LIPA: variants seen among roughly 807,000 people sequenced by gnomAD.
The protein encoded by LIPA is lipase A, lysosomal acid type.
A neutral mutation model predicts 40.6 loss-of-function variants in LIPA; 26 were observed. That is an observed-to-expected ratio of 0.64 (90% CI 0.47 to 0.89). The LOEUF is 0.89. Ranked by LOEUF, LIPA falls within the 40% of genes least tolerant of loss-of-function variation. The pLI is 0.00. For missense variants in LIPA, 455 were observed against 479.6 expected (o/e 0.95, Z 0.48); for synonymous variants, 188 against 168.4 (o/e 1.12, Z -0.90).
chr10:89,264,711 C>T (rs1029722942), intron 1 of LIPA, among the ~76,000 whole-genome samples: 5 of 152,178 alleles, frequency 3.3e-5, no homozygotes, highest in Non-Finnish European at 5.9e-5. Flanking sequence ...GAAGTGTATG[C>T]TGATTGGTCC....
intron 1 of LIPA, among the ~76,000 whole-genome samples, chr10:89,261,517 T>C (rs538743464): frequency 2.0e-5 from 3 of 151,762 alleles, no homozygotes; most frequent in Admixed American, 1.3e-4. Flanking sequence ...AAAAATAAAT[T>C]AATTAATTAA....
At position 89,317,865 on chromosome 10, in the gene LIPA, T is replaced by G. The variant is rs551703993; in HGVS notation, c.-2+24746A>C. Among the ~76,000 whole-genome samples the G allele has an allele frequency of 2.0e-5, 3 of 152,300 alleles. No individual in the cohort carries two copies. The East Asian group carries it at 5.8e-4, about 29-fold the overall frequency. ...GGAAGCCCATCAGACTAACAGCAGA[T>G]GTCTCGGCAGAAACTCTACAAGCCA... On this transcript the variant is annotated intron_variant, in intron 1 of 5. Coordinates refer to the LIPA transcript ENST00000282673.
chr10:89,272,605 C>T (rs1157383802), intron 1 of LIPA, among the ~76,000 whole-genome samples: 4 of 152,160 alleles, frequency 2.6e-5, no homozygotes, highest in Non-Finnish European at 5.9e-5. Flanking sequence ...CCTCTGGGTA[C>T]ATACCCGGTA....
chr10:89,322,124 C>G (rs113252512), intron 1 of LIPA, among the ~76,000 whole-genome samples: 2 of 152,048 alleles, frequency 1.3e-5, no homozygotes, highest in Non-Finnish European at 2.9e-5. Flanking sequence ...ATGTAAATGA[C>G]GAGTTAATGG....
intron 2 of LIPA, among the ~76,000 whole-genome samples, chr10:89,371,405 C>G (rs1844090776): frequency 6.6e-6 from 1 of 152,196 alleles, no homozygotes; most frequent in Non-Finnish European, 1.5e-5. Flanking sequence ...GGCTGGAGAT[C>G]AATAACATGA....
At chr10:89,248,014 C>T (rs538957314) in intron 1 of LIPA, among the ~76,000 whole-genome samples, 4 of 151,716 alleles carry the variant, frequency 2.6e-5, no homozygotes, top group South Asian at 2.1e-4. Context: ...ACAACAGGCA[C>T]GCACCACCAC....
chr10:89,264,157 C>T (rs1411528258), intron 1 of LIPA, among the ~76,000 whole-genome samples: 1 of 152,162 alleles, frequency 6.6e-6, no homozygotes, highest in Non-Finnish European at 1.5e-5. Flanking sequence ...ACATGGCAAG[C>T]AGGGGGGGTG....
At chr10:89,364,619 G>A (rs1044682400) in intron 2 of LIPA, among the ~76,000 whole-genome samples, 6 of 150,380 alleles carry the variant, frequency 4.0e-5, no homozygotes, top group African/African-American at 1.2e-4. Context: ...CCTTGAAAGC[G>A]AAATAGTTCT....
At chr10:89,277,294 C>A (rs1477747266) in intron 1 of LIPA, among the ~76,000 whole-genome samples, 1 of 152,192 alleles carries the variant, frequency 6.6e-6, no homozygotes, top group Non-Finnish European at 1.5e-5. Context: ...CGATCTTATA[C>A]AAGTTATGTA....
intron 1 of LIPA, among the ~76,000 whole-genome samples, chr10:89,313,427 C>G (rs1589598092): frequency 6.6e-6 from 1 of 152,106 alleles, no homozygotes; most frequent in African/African-American, 2.4e-5. Context: ...TGTATTACCT[C>G]AAAAATAAGT....
chr10:89,389,434 G>T (rs1844230028), intron 2 of LIPA, among the ~76,000 whole-genome samples: 1 of 152,210 alleles, frequency 6.6e-6, no homozygotes, highest in African/African-American at 2.4e-5. Context: ...TGAGGAGACA[G>T]AGAAGCCCAA....
chr10:89,316,675 T>G (rs1843543227), intron 1 of LIPA, among the ~76,000 whole-genome samples: 1 of 152,246 alleles, frequency 6.6e-6, no homozygotes, highest in Admixed American at 6.5e-5. Flanking sequence ...CAGAAACTTC[T>G]GTAGACTTAA....
chr10:89,221,114 A>G (rs567916520), intron 8 of LIPA, among the ~76,000 whole-genome samples: 1 of 152,128 alleles, frequency 6.6e-6, no homozygotes, highest in East Asian at 1.9e-4. Flanking sequence ...ATGATGATAT[A>G]TTTGCTGTGT....
intron 1 of LIPA, chr10:89,308,217 G>A (rs929650885): frequency 6.6e-6 from 1 of 152,146 alleles, no homozygotes; most frequent in Admixed American, 6.5e-5. Flanking sequence ...GTAGGGATAG[G>A]GGAAAAGTAA....
chr10:89,326,756 G>T (rs1330736644), intron 1 of LIPA, among the ~76,000 whole-genome samples: 2 of 152,094 alleles, frequency 1.3e-5, no homozygotes, highest in Non-Finnish European at 2.9e-5. Context: ...CTTAAAAAAT[G>T]CTGTTTCCTG....
At position 89,386,829 on chromosome 10, in the gene LIPA, T is replaced by C. The variant is rs937640839; in HGVS notation, c.61+25962A>G. On this transcript the variant is annotated intron_variant, in intron 2 of 8. Coordinates refer to the LIPA transcript ENST00000371837. ...TAAGTTGTCAGGAAATTAGGTTTTA[T>C]TGAATCAAATTCATTCATTAATTAA... 6.6e-5 allele frequency among the ~76,000 whole-genome samples: 10 copies of C among 152,340 alleles called. No homozygotes were observed. In the East Asian group the frequency reaches 1.5e-3, roughly 23 times the overall value.
intron 1 of LIPA, among the ~76,000 whole-genome samples, chr10:89,285,746 C>T (rs1489250759): frequency 6.6e-6 from 1 of 151,786 alleles, no homozygotes; most frequent in Non-Finnish European, 1.5e-5. Flanking sequence ...GGGCAAGCAC[C>T]CCCCACTCCT....
intron 1 of LIPA, among the ~76,000 whole-genome samples, chr10:89,282,636 G>A (rs556458170): frequency 9.9e-5 from 15 of 151,736 alleles, no homozygotes; most frequent in South Asian, 4.2e-4. Flanking sequence ...GCGAAACTCC[G>A]TCTCAAAAAA....
intron 2 of LIPA, chr10:89,378,133 A>G (rs751615023): frequency 1.3e-4 from 202 of 1,613,954 alleles, no homozygotes; most frequent in Admixed American, 2.5e-4. Context: ...TCTTCATAGC[A>G]CCATGAGGTA....
Sources: allele counts gnomAD v4.1 joint callset (sites outside exome capture counted in the v4.1 genomes callset), GRCh38; gene constraint gnomAD v4.1.1; transcripts MANE v1.5; gene names NCBI Gene and HGNC (gene_info 2026-07-23, HGNC 2026-07-21).